Variants in GPD2 observed in about 807,000 individuals in gnomAD.
The protein encoded by GPD2 is glycerol-3-phosphate dehydrogenase, mitochondrial.
In GPD2, 54 loss-of-function variants were observed where a neutral mutation model predicts 82.4. The observed-to-expected ratio is 0.66, with a 90% CI of 0.53 to 0.82. The LOEUF (loss-of-function observed/expected upper bound fraction) is 0.82. Ranked by LOEUF, GPD2 falls within the 40% of genes least tolerant of loss-of-function variation. GPD2 has a pLI of 0.00. For synonymous variants in GPD2, 288 were observed against 306.1 expected, an observed-to-expected ratio of 0.94 and a Z score of 0.62; for missense variants, 748 against 896.2, an observed-to-expected ratio of 0.83 and a Z score of 2.11.
intron 3 of GPD2, among the ~76,000 whole-genome samples, chr2:156,507,271 G>A (rs1684820207): frequency 6.6e-6 from 1 of 151,054 alleles, no homozygotes; most frequent in Non-Finnish European, 1.5e-5. Context: ...CCCTCCCAAA[G>A]TGCTGGGATT....
At chr2:156,507,220 C>G (rs1449210149) in intron 3 of GPD2, among the ~76,000 whole-genome samples, 1 of 152,022 alleles carries the variant, frequency 6.6e-6, no homozygotes, top group Admixed American at 6.6e-5. Flanking sequence ...CCAGGTTGAC[C>G]AGGCTGGTCT....
At chr2:156,556,693 G>T (rs1033429690) in intron 8 of GPD2, among the ~76,000 whole-genome samples, 1 of 152,154 alleles carries the variant, frequency 6.6e-6, no homozygotes, top group African/African-American at 2.4e-5. Flanking sequence ...TTGCTAAAGT[G>T]TTCCTCTCCT....
chr2:156,512,680 A>G (rs1685045131), intron 5 of GPD2, among the ~76,000 whole-genome samples: 1 of 152,232 alleles, frequency 6.6e-6, no homozygotes, highest in African/African-American at 2.4e-5. Context: ...TATAAAATGT[A>G]AACATACCAC....
chr2:156,553,037 C>T (rs574370007), intron 8 of GPD2, among the ~76,000 whole-genome samples: 119 of 151,712 alleles, frequency 7.8e-4, no homozygotes, highest in African/African-American at 2.8e-3. Context: ...GTAGCTCGCC[C>T]GCCACCACAC....
intron 1 of GPD2, among the ~76,000 whole-genome samples, chr2:156,451,706 A>T (rs1218745562): frequency 8.8e-6 from 1 of 114,104 alleles, no homozygotes; most frequent in Non-Finnish European, 1.8e-5. Flanking sequence ...TGACCCCCCC[A>T]CCTCCCTCCC....
intron 9 of GPD2, among the ~76,000 whole-genome samples, chr2:156,563,597 A>C (rs1462801062): frequency 2.6e-5 from 4 of 152,190 alleles, no homozygotes; most frequent in Non-Finnish European, 4.4e-5. Context: ...GCAAGAGAGG[A>C]GGAAAGCTTG....
intron 3 of GPD2, among the ~76,000 whole-genome samples, chr2:156,498,783 A>G (rs1684480580): frequency 6.6e-6 from 1 of 152,208 alleles, no homozygotes. Flanking sequence ...GTGGTAGGAT[A>G]TAAAGAAGGG....
intron 3 of GPD2, among the ~76,000 whole-genome samples, chr2:156,506,446 T>C (rs1275964898): frequency 6.6e-6 from 1 of 152,152 alleles, no homozygotes; most frequent in Non-Finnish European, 1.5e-5. Flanking sequence ...TGTGATAACT[T>C]TTAAAATGTC....
chr2:156,407,295 A>T, the GPD2 span, among the ~76,000 whole-genome samples: 1 of 152,206 alleles, frequency 6.6e-6, no homozygotes, highest in South Asian at 2.1e-4. Flanking sequence ...AACTTTTATT[A>T]AAAAAATTTT....
At chr2:156,408,847 G>A in the GPD2 span, among the ~76,000 whole-genome samples, 1 of 152,044 alleles carries the variant, frequency 6.6e-6, no homozygotes, top group Admixed American at 6.5e-5. Context: ...CCAAAAATGT[G>A]CATGTTGAAG....
At chr2:156,435,293 A>C (rs1178148514), upstream of GPD2, 1 of 152,196 alleles carries the variant, frequency 6.6e-6, no homozygotes, top group Non-Finnish European at 1.5e-5. Context: ...AAAGGTTATT[A>C]GTACAGCACC....
At chr2:156,427,345 T>C in the GPD2 span, among the ~76,000 whole-genome samples, 8 of 152,242 alleles carry the variant, frequency 5.3e-5, no homozygotes, top group African/African-American at 1.7e-4. Flanking sequence ...TAAATGAGGC[T>C]GTGGAAATAG....
chr2:156,569,992 A>G (rs1217864155), intron 11 of GPD2, 95 bp from the exon 12 acceptor site: 2 of 1,110,800 alleles, frequency 1.8e-6, no homozygotes, highest in East Asian at 4.8e-5. Flanking sequence ...ACAGGCTGTA[A>G]GAAAACTGAC....
At chr2:156,500,553 C>T (rs1467041822) in intron 3 of GPD2, among the ~76,000 whole-genome samples, 1 of 152,114 alleles carries the variant, frequency 6.6e-6, no homozygotes, top group African/African-American at 2.4e-5. Flanking sequence ...TCTTTAGTCA[C>T]ATTTGACAAA....
the GPD2 span, among the ~76,000 whole-genome samples, chr2:156,408,808 C>T: frequency 6.6e-6 from 1 of 151,132 alleles, no homozygotes; most frequent in Non-Finnish European, 1.5e-5. Flanking sequence ...GCCAGGTAGG[C>T]TATTGTGTTA....
At chr2:156,575,579 T>A (rs954705084) in intron 13 of GPD2, among the ~76,000 whole-genome samples, 12 of 151,522 alleles carry the variant, frequency 7.9e-5, no homozygotes, top group African/African-American at 1.5e-4. Context: ...GTTTTTAAAA[T>A]TTTTTTTGTG....
intron 9 of GPD2, among the ~76,000 whole-genome samples, chr2:156,567,301 T>A (rs1351147198): frequency 6.6e-6 from 1 of 152,120 alleles, no homozygotes; most frequent in Admixed American, 6.6e-5. Flanking sequence ...GCTCTTCTTA[T>A]ATGTTTTCTT....
chr2:156,570,735 A>G (rs1687583580), intron 12 of GPD2, among the ~76,000 whole-genome samples: 1 of 152,210 alleles, frequency 6.6e-6, no homozygotes, highest in Admixed American at 6.5e-5. Context: ...ACAAAAAACT[A>G]TACAGACTAA....
intron 2 of GPD2, among the ~76,000 whole-genome samples, chr2:156,487,571 T>C (rs1558923124): frequency 6.6e-6 from 1 of 152,218 alleles, no homozygotes; most frequent in South Asian, 2.1e-4. Flanking sequence ...ATTCTTCGAA[T>C]TACTTGCTCA....
Sources: allele counts gnomAD v4.1 joint callset (sites outside exome capture counted in the v4.1 genomes callset), GRCh38; gene constraint gnomAD v4.1.1; transcripts MANE v1.5; gene names NCBI Gene and HGNC (gene_info 2026-07-23, HGNC 2026-07-21).